SMYD3: variants seen among roughly 807,000 people sequenced by gnomAD.
The protein encoded by SMYD3 is histone-lysine N-methyltransferase SMYD3.
Under a neutral mutation model 57.7 loss-of-function variants are expected in SMYD3, and 36 were observed. The observed-to-expected ratio is 0.62, with a 90% confidence interval of 0.48 to 0.82. The LOEUF (loss-of-function observed/expected upper bound fraction) is 0.82, where lower values mean the gene tolerates loss of function less well. Among genes scored for constraint, SMYD3 ranks in the 40% least tolerant of loss-of-function variants. SMYD3 has a pLI of 0.00. For synonymous variants in SMYD3, 211 were observed against 195.0 expected (o/e 1.08, Z -0.68); for missense variants, 515 against 538.8 (o/e 0.96, Z 0.44).
intron 1 of SMYD3, among the ~76,000 whole-genome samples, chr1:246,365,613 G>A (rs2066088603): frequency 6.6e-6 from 1 of 151,410 alleles, no homozygotes; most frequent in African/African-American, 2.4e-5. Flanking sequence ...TAATCTCCTC[G>A]ACTCTCCCCA....
intron 10 of SMYD3, among the ~76,000 whole-genome samples, chr1:245,836,849 C>T (rs551300541): frequency 6.6e-6 from 1 of 152,242 alleles, no homozygotes; most frequent in Non-Finnish European, 1.5e-5. Context: ...GAGCAGAGCC[C>T]CGGGAATTCA....
At chr1:246,167,044 G>A (rs139163826) in intron 5 of SMYD3, among the ~76,000 whole-genome samples, 3 of 152,172 alleles carry the variant, frequency 2.0e-5, no homozygotes, top group African/African-American at 4.8e-5. Flanking sequence ...AGCATGTGGC[G>A]TCTTGTGTCT....
At chr1:245,866,772 C>T (rs12038012) in intron 8 of SMYD3, among the ~76,000 whole-genome samples, 87,217 of 151,738 alleles carry the variant, frequency 0.57, 27,549 homozygotes, top group Non-Finnish European at 0.73. Context: ...AGTCTCCCTT[C>T]AAATGCCTGC....
intron 10 of SMYD3, among the ~76,000 whole-genome samples, chr1:245,854,008 A>G (rs950082904): frequency 6.6e-6 from 1 of 152,152 alleles, no homozygotes; most frequent in African/African-American, 2.4e-5. Context: ...TCTCTTCATC[A>G]TTCTTGTTCT....
intron 4 of SMYD3, among the ~76,000 whole-genome samples, chr1:246,328,727 A>G (rs922298086): frequency 6.7e-6 from 1 of 150,312 alleles, no homozygotes; most frequent in Non-Finnish European, 1.5e-5. Context: ...TTTAGGGTAC[A>G]TGTGCACAAT....
At chr1:245,806,878 CCGCAA>C (rs1553328324) in intron 10 of SMYD3, among the ~76,000 whole-genome samples, 58 of 131,444 alleles carry the variant, frequency 4.4e-4, no homozygotes, top group East Asian at 9.2e-4. Context: ...CCACTGCAGT[CCGCAA>C]TCCGGCCTGG....
chr1:245,952,646 C>T lies in SMYD3; in HGVS notation c.532-22709G>A, dbSNP rs367863911. ...TTGTGATACTAGCTCCCCAAATGCT[C>T]CTGTTAATGGCATGTACCCTACTCT... is the stretch of plus-strand genomic sequence containing the variant. On this transcript the variant is annotated intron_variant, in intron 5 of 11. Transcript: ENST00000490107. Among the ~76,000 whole-genome samples the T allele has an allele frequency of 5.0e-4, 76 of 152,288 alleles. 3 individuals carry two copies. Among genetic ancestry groups the T allele is most frequent in the African/African-American group, 1.8e-3 (74 of 41,540 alleles).
At chr1:245,943,209 GTTTTTTT>G (rs58081595) in intron 5 of SMYD3, among the ~76,000 whole-genome samples, 2 of 115,358 alleles carry the variant, frequency 1.7e-5, no homozygotes, top group African/African-American at 3.3e-5. Flanking sequence ...CAGGGGCTGA[GTTTTTTT>G]TTTTTTTTTT....
chr1:246,243,078 GAAC>G (rs2063642957), intron 5 of SMYD3, among the ~76,000 whole-genome samples: 1 of 152,080 alleles, frequency 6.6e-6, no homozygotes, highest in Non-Finnish European at 1.5e-5. Context: ...TCCAGGACTT[GAAC>G]TCAGCTCTGC....
chr1:245,943,343 G>A (rs1409252549), intron 5 of SMYD3, among the ~76,000 whole-genome samples: 1 of 151,682 alleles, frequency 6.6e-6, no homozygotes, highest in Admixed American at 6.6e-5. Flanking sequence ...CCAACCATCA[G>A]AGAGTACTAT....
chr1:246,217,545 C>A (rs2148411362), intron 5 of SMYD3, among the ~76,000 whole-genome samples: 1 of 151,968 alleles, frequency 6.6e-6, no homozygotes, highest in South Asian at 2.1e-4. Flanking sequence ...ACAAAGAAAA[C>A]AAAGAAACAA....
intron 5 of SMYD3, among the ~76,000 whole-genome samples, chr1:246,236,033 A>G (rs1299506557): frequency 2.6e-5 from 4 of 152,196 alleles, no homozygotes; most frequent in African/African-American, 9.7e-5. Context: ...TACATTCCTG[A>G]AAAATGTGGT....
intron 5 of SMYD3, among the ~76,000 whole-genome samples, chr1:246,015,463 T>C (rs1387071455): frequency 6.6e-6 from 1 of 152,176 alleles, no homozygotes; most frequent in Non-Finnish European, 1.5e-5. Context: ...AATGTAAAAT[T>C]TAACATTTTA....
intron 5 of SMYD3, among the ~76,000 whole-genome samples, chr1:246,102,460 T>C (rs1167412304): frequency 6.6e-6 from 1 of 152,182 alleles, no homozygotes; most frequent in African/African-American, 2.4e-5. Context: ...CTTTAATCGC[T>C]GTTCCTCTCT....
chr1:246,393,929 GA>G (rs1176038714), intron 1 of SMYD3, among the ~76,000 whole-genome samples: 5 of 152,134 alleles, frequency 3.3e-5, no homozygotes, highest in African/African-American at 1.2e-4. Flanking sequence ...CATCTATGGT[GA>G]AAATTGAAAA....
intron 1 of SMYD3, among the ~76,000 whole-genome samples, chr1:246,465,483 T>C (rs1040620747): frequency 1.3e-5 from 2 of 152,180 alleles, no homozygotes; most frequent in African/African-American, 4.8e-5. Flanking sequence ...GAATCAGTGC[T>C]GGTAATTAAC....
At chr1:246,159,979 A>G (rs2062089075) in intron 5 of SMYD3, among the ~76,000 whole-genome samples, 1 of 152,144 alleles carries the variant, frequency 6.6e-6, no homozygotes, top group Non-Finnish European at 1.5e-5. Context: ...TATTACCTTT[A>G]TTTTACAAAT....
At chr1:246,029,567 G>A (rs1159723549) in intron 5 of SMYD3, among the ~76,000 whole-genome samples, 1 of 151,402 alleles carries the variant, frequency 6.6e-6, no homozygotes, top group Non-Finnish European at 1.5e-5. Flanking sequence ...AGCTACCCAG[G>A]AGGCTGAAGC....
In SMYD3 at chr1:246,235,246, C is replaced by T. The variant is rs961242399; in HGVS notation, c.531+91955G>A. Among the ~76,000 whole-genome samples the T allele has an allele frequency of 2.6e-5, 4 of 152,182 alleles. No individual in the cohort carries two copies. The East Asian group carries it at 7.7e-4, about 29-fold the overall frequency. On this transcript the variant is annotated intron_variant, in intron 5 of 11. Coordinates refer to ENST00000490107, the MANE Select transcript of SMYD3 (RefSeq NM_001167740.2). Reference sequence around the variant, plus strand: ...TAACTGGAAAGTGTCATAAATCCTACATTAGTTTCTCACCTAACCTCCCTA... The same window carrying T: ...TAACTGGAAAGTGTCATAAATCCTATATTAGTTTCTCACCTAACCTCCCTA...
Sources: allele counts gnomAD v4.1 joint callset (sites outside exome capture counted in the v4.1 genomes callset), GRCh38; gene constraint gnomAD v4.1.1; transcripts MANE v1.5; gene names NCBI Gene and HGNC (gene_info 2026-07-23, HGNC 2026-07-21).